Variants in FHL5 observed in about 807,000 individuals in gnomAD.
FHL5 encodes four and a half LIM domains 5.
Under a neutral mutation model 32.0 loss-of-function variants are expected in FHL5, and 33 were observed. That is an observed-to-expected ratio of 1.03 (90% confidence interval 0.78 to 1.38). FHL5 has a LOEUF of 1.38. Ranked by LOEUF, FHL5 falls within the 40% of genes most tolerant of loss-of-function variation. The pLI is 0.00. For synonymous variants in FHL5, 114 were observed against 113.6 expected (o/e 1.00, Z -0.02); for missense variants, 336 against 343.9 (o/e 0.98, Z 0.18).
chr6:96,574,271 A>G (rs35262134), intron 1 of FHL5, among the ~76,000 whole-genome samples: 258 of 152,340 alleles, frequency 1.7e-3, no homozygotes, highest in Non-Finnish European at 2.7e-3. Context: ...AACACCCAGC[A>G]AAATACAATT....
chr6:96,574,889 A>G (rs1770553856), intron 1 of FHL5, among the ~76,000 whole-genome samples: 1 of 152,208 alleles, frequency 6.6e-6, no homozygotes. Context: ...GTAGAAATAA[A>G]TTTATGTTAT....
chr6:96,603,293 T>C (rs1182926344), intron 1 of FHL5, among the ~76,000 whole-genome samples: 1 of 152,178 alleles, frequency 6.6e-6, no homozygotes, highest in East Asian at 1.9e-4. Context: ...TTTCAACAGA[T>C]ACCATATTCT....
At chr6:96,575,345 C>A (rs1018509919) in intron 1 of FHL5, among the ~76,000 whole-genome samples, 1 of 152,146 alleles carries the variant, frequency 6.6e-6, no homozygotes. Context: ...ACATAAATCA[C>A]GTATGGATCA....
At chr6:96,615,518 T>C in intron 5 of FHL5, 91 bp from the exon 6 acceptor site, 1 of 1,059,056 alleles carries the variant, frequency 9.4e-7, no homozygotes, top group Non-Finnish European at 1.3e-6. Flanking sequence ...TGCTCATAGC[T>C]CTATCTCCAG....
intron 1 of FHL5, among the ~76,000 whole-genome samples, chr6:96,592,826 G>A (rs1377244916): frequency 6.6e-6 from 1 of 152,118 alleles, no homozygotes; most frequent in African/African-American, 2.4e-5. Flanking sequence ...CTTTTGATAT[G>A]TTATTTGTCT....
chr6:96,597,734 T>C (rs997715609), intron 1 of FHL5, among the ~76,000 whole-genome samples: 2 of 152,176 alleles, frequency 1.3e-5, no homozygotes, highest in African/African-American at 4.8e-5. Context: ...AGTGTTCACA[T>C]ATACAAGTGT....
chr6:96,584,367 C>T (rs778761807), intron 1 of FHL5, among the ~76,000 whole-genome samples: 29 of 151,476 alleles, frequency 1.9e-4, no homozygotes, highest in African/African-American at 5.6e-4. Flanking sequence ...ACAACTGAAA[C>T]GCATAATGGA....
At position 96,615,780 on chromosome 6, in the gene FHL5, TC is replaced by T; in HGVS notation, c.*10del. 1 of 1,572,950 alleles carries T rather than the reference TC, an allele frequency of 6.4e-7. No homozygotes were observed. Among genetic ancestry groups the T allele is most frequent in the Non-Finnish European group, 8.6e-7 (1 of 1,158,586 alleles). On this transcript the variant is annotated 3_prime_UTR_variant, in exon 6 of 6. Transcript: ENST00000450218. The stretch of plus-strand genomic sequence containing the variant: ...ATGGACACTGACATCTAGGAGACAG[TC>T]CTTGCCCACCTAAAATCCATTTTGC...
At chr6:96,578,657 C>T (rs569507241) in intron 1 of FHL5, among the ~76,000 whole-genome samples, 7 of 152,138 alleles carry the variant, frequency 4.6e-5, no homozygotes, top group East Asian at 1.9e-4. Context: ...CCCTGGCCAA[C>T]GTGTCGAAAC....
intron 2 of FHL5, 97 bp from the exon 3 acceptor site, chr6:96,604,653 A>G (rs756815242): frequency 5.7e-5 from 49 of 860,144 alleles, no homozygotes; most frequent in Non-Finnish European, 8.5e-5. Flanking sequence ...AGCACAACCT[A>G]CTGACATGAG....
intron 1 of FHL5, among the ~76,000 whole-genome samples, chr6:96,576,097 C>T (rs1231165600): frequency 6.6e-6 from 1 of 152,176 alleles, no homozygotes; most frequent in Non-Finnish European, 1.5e-5. Flanking sequence ...GGAACCTCCA[C>T]CTACTTTGTC....
At chr6:96,587,022 G>C (rs935966932) in intron 1 of FHL5, among the ~76,000 whole-genome samples, 12 of 152,194 alleles carry the variant, frequency 7.9e-5, no homozygotes, top group African/African-American at 2.9e-4. Flanking sequence ...AAGTGGTCCA[G>C]TCAAAGCCAA....
chr6:96,605,523 G>A (rs991154167), intron 3 of FHL5, among the ~76,000 whole-genome samples: 1 of 152,176 alleles, frequency 6.6e-6, no homozygotes, highest in Non-Finnish European at 1.5e-5. Flanking sequence ...TAACTGCACA[G>A]TATAGTCTCA....
chr6:96,598,570 G>A (rs1771083091), intron 1 of FHL5, among the ~76,000 whole-genome samples: 1 of 152,250 alleles, frequency 6.6e-6, no homozygotes, highest in Admixed American at 6.5e-5. Context: ...AACCCACACT[G>A]GACATTAGAA....
chr6:96,594,397 T>C (rs1352324507), intron 1 of FHL5, among the ~76,000 whole-genome samples: 1 of 151,500 alleles, frequency 6.6e-6, no homozygotes, highest in Non-Finnish European at 1.5e-5. Flanking sequence ...ACTCCTTTCT[T>C]GTCACATGGC....
chr6:96,594,484 C>G (rs541386374), intron 1 of FHL5, among the ~76,000 whole-genome samples: 3 of 151,332 alleles, frequency 2.0e-5, no homozygotes, highest in African/African-American at 7.3e-5. Context: ...TAAATTAGGC[C>G]GACCTCTGGG....
chr6:96,593,588 T>C (rs937105773), intron 1 of FHL5, among the ~76,000 whole-genome samples: 10 of 152,146 alleles, frequency 6.6e-5, no homozygotes, highest in Non-Finnish European at 1.5e-5. Flanking sequence ...AAATATCACC[T>C]ACACAATGAT....
rs192586216 is a variant in FHL5, at chr6:96,617,215, A to G, written c.*1443A>G. On this transcript the variant is annotated 3_prime_UTR_variant, in exon 6 of 6. Coordinates refer to ENST00000450218, the MANE Select transcript of FHL5 (RefSeq NM_001322466.2). ...GATCTGTTTTCACATTGGTTATAGC[A>G]TCTCTTGGATGGAGTAGAGGGAGGT... Among the ~76,000 whole-genome samples, 44 of 152,344 alleles carry G rather than the reference A, an allele frequency of 2.9e-4. No homozygotes were observed. Among genetic ancestry groups the G allele is most frequent in the Non-Finnish European group, 3.7e-4 (25 of 68,034 alleles).
intron 5 of FHL5, 57 bp from the exon 6 acceptor site, chr6:96,615,552 A>G: frequency 7.0e-7 from 1 of 1,436,468 alleles, no homozygotes; most frequent in Non-Finnish European, 9.5e-7. Context: ...ATCTGCTAGA[A>G]TGCTCAATCT....
Sources: allele counts gnomAD v4.1 joint callset (sites outside exome capture counted in the v4.1 genomes callset), GRCh38; gene constraint gnomAD v4.1.1; transcripts MANE v1.5; gene names NCBI Gene and HGNC (gene_info 2026-07-23, HGNC 2026-07-21).